Variants in PTK2 observed in about 807,000 individuals in gnomAD.
The protein encoded by PTK2 is focal adhesion kinase 1.
In PTK2, 45 loss-of-function variants were observed where a neutral mutation model predicts 150.1. The observed-to-expected ratio is 0.30, with a 90% confidence interval of 0.24 to 0.38. PTK2 has a LOEUF of 0.38. PTK2 is among the 10% of genes least tolerant of loss of function. The pLI is 1.00. For missense variants in PTK2, 919 were observed against 1,307.3 expected (o/e 0.70, Z 4.58); for synonymous variants, 432 against 449.2 (o/e 0.96, Z 0.48).
intron 27 of PTK2, among the ~76,000 whole-genome samples, chr8:140,686,151 T>C (rs1183866490): frequency 6.6e-6 from 1 of 152,056 alleles, no homozygotes; most frequent in Admixed American, 6.6e-5. Context: ...AGAAAACCAA[T>C]ACCACATGTT....
At position 140,784,221 on chromosome 8, in the gene PTK2, C is replaced by T. The variant is rs536987074; in HGVS notation, c.1177+5253G>A. Reference sequence around the variant, plus strand: ...ATGAAGGGCTTAGAGACAATCAAACCAAGCATTTGAAAAAGATCACTGCAT... The same window carrying T: ...ATGAAGGGCTTAGAGACAATCAAACTAAGCATTTGAAAAAGATCACTGCAT... On this transcript the variant is annotated intron_variant, in intron 14 of 31. Transcript: ENST00000522684. Among the ~76,000 whole-genome samples the T allele has an allele frequency of 7.2e-5, 11 of 152,210 alleles. 1 individual carries two copies. Among genetic ancestry groups the T allele is most frequent in the African/African-American group, 2.6e-4 (11 of 41,522 alleles).
At chr8:140,708,849 GA>G (rs1329923431) in intron 23 of PTK2, among the ~76,000 whole-genome samples, 1 of 151,990 alleles carries the variant, frequency 6.6e-6, no homozygotes, top group Non-Finnish European at 1.5e-5. Flanking sequence ...GGTTGCAGGG[GA>G]AAGGGTTTTC....
chr8:140,709,795 G>C (rs2100035797), intron 23 of PTK2, among the ~76,000 whole-genome samples: 1 of 152,118 alleles, frequency 6.6e-6, no homozygotes. Flanking sequence ...GGGAAGTTTT[G>C]CTGAAATTCT....
At chr8:140,775,283 G>A (rs1456699697) in intron 14 of PTK2, among the ~76,000 whole-genome samples, 1 of 152,040 alleles carries the variant, frequency 6.6e-6, no homozygotes, top group Non-Finnish European at 1.5e-5. Context: ...TCTGGAGTTG[G>A]GAGACCAGCC....
At chr8:140,795,583 T>G (rs1217185090) in intron 12 of PTK2, among the ~76,000 whole-genome samples, 1 of 152,262 alleles carries the variant, frequency 6.6e-6, no homozygotes, top group East Asian at 1.9e-4. Context: ...ATATATTATA[T>G]GCTACAGTAT....
chr8:140,658,634 G>C (rs1207681904), exon 32 of PTK2: 4 of 207,514 alleles, frequency 1.9e-5, no homozygotes, highest in Non-Finnish European at 3.9e-5. Context: ...CTGTAAAATA[G>C]TCAACATGGC....
chr8:140,733,840 C>A (rs181583788), intron 22 of PTK2, among the ~76,000 whole-genome samples: 1 of 152,106 alleles, frequency 6.6e-6, no homozygotes, highest in Non-Finnish European at 1.5e-5. Flanking sequence ...GTTATGGGGA[C>A]GGAGACCAAG....
At chr8:140,725,221 C>A (rs1326108443) in intron 22 of PTK2, among the ~76,000 whole-genome samples, 1 of 151,202 alleles carries the variant, frequency 6.6e-6, no homozygotes, top group Non-Finnish European at 1.5e-5. Flanking sequence ...GCAGCCTTGG[C>A]CTCCTGGGCT....
intron 5 of PTK2, among the ~76,000 whole-genome samples, chr8:140,852,275 G>A (rs761729244): frequency 6.6e-6 from 1 of 152,158 alleles, no homozygotes; most frequent in Non-Finnish European, 1.5e-5. Context: ...TAAATATAAC[G>A]TATAAACAAC....
At chr8:140,817,331 T>A (rs2100105336) in intron 10 of PTK2, among the ~76,000 whole-genome samples, 1 of 151,816 alleles carries the variant, frequency 6.6e-6, no homozygotes, top group Non-Finnish European at 1.5e-5. Flanking sequence ...GAAACCAGAG[T>A]ACACTTGGAA....
At chr8:140,858,167 G>A (rs1482445477) in intron 5 of PTK2, among the ~76,000 whole-genome samples, 1 of 152,142 alleles carries the variant, frequency 6.6e-6, no homozygotes, top group Non-Finnish European at 1.5e-5. Context: ...GAGGAGAGCT[G>A]GTAATCTGCC....
At chr8:140,814,993 C>T (rs1311479483) in intron 10 of PTK2, among the ~76,000 whole-genome samples, 1 of 152,118 alleles carries the variant, frequency 6.6e-6, no homozygotes, top group African/African-American at 2.4e-5. Context: ...CCAGGATGGT[C>T]TCCATCTCCT....
intron 26 of PTK2, among the ~76,000 whole-genome samples, chr8:140,697,299 T>C (rs1398575443): frequency 6.6e-6 from 1 of 151,704 alleles, no homozygotes. Flanking sequence ...GGTTATTAAG[T>C]TAAAAACAAA....
At chr8:140,790,845 T>C (rs939240964) in intron 13 of PTK2, among the ~76,000 whole-genome samples, 2 of 152,250 alleles carry the variant, frequency 1.3e-5, no homozygotes, top group South Asian at 2.1e-4. Flanking sequence ...CTTTGAACTA[T>C]ATTTATTGGG....
chr8:140,999,666 G>C (rs1240034350), intron 1 of PTK2, among the ~76,000 whole-genome samples: 1 of 152,116 alleles, frequency 6.6e-6, no homozygotes, highest in African/African-American at 2.4e-5. Flanking sequence ...TGCTTGCATC[G>C]CACTGCTCAT....
chr8:140,663,014 C>T (rs925952189), intron 31 of PTK2: 12 of 371,518 alleles, frequency 3.2e-5, no homozygotes, highest in South Asian at 1.2e-4. Flanking sequence ...TCACAGGCGA[C>T]GGAAAAGTGC....
chr8:140,762,075 T>C (rs1324089509), intron 15 of PTK2, among the ~76,000 whole-genome samples: 1 of 152,178 alleles, frequency 6.6e-6, no homozygotes, highest in Non-Finnish European at 1.5e-5. Flanking sequence ...CATAGGTTAT[T>C]GCATATATAT....
At chr8:140,815,381 C>G (rs909922227) in intron 10 of PTK2, among the ~76,000 whole-genome samples, 3 of 152,056 alleles carry the variant, frequency 2.0e-5, no homozygotes, top group African/African-American at 7.2e-5. Context: ...CAAGGACACA[C>G]AGAGGGCAAC....
rs1181421194 is a variant in PTK2 at position 140,693,564 on chromosome 8, T to TTAAAAAAAAAAAAA, written c.2500-6871_2500-6870insTTTTTTTTTTTTTA. ...CCACAGAGTGAGACTTTGTCTCAATTAAAAAAAAAAAAAAAAAAAAAAAAA... is the reference window on the plus strand; with the variant it reads ...CCACAGAGTGAGACTTTGTCTCAATTTAAAAAAAAAAAAAAAAAAAAAAAAAAAAAAAAAAAAAA... On this transcript the variant is annotated intron_variant, in intron 26 of 31. Coordinates refer to ENST00000522684, the Ensembl canonical transcript of PTK2. Among the ~76,000 whole-genome samples the TTAAAAAAAAAAAAA allele has an allele frequency of 9.8e-4, 71 of 72,458 alleles. 24 individuals carry two copies. The highest frequency in any genetic ancestry group is 4.3e-3 in the African/African-American group (71 of 16,654). The allele number at this position is 72,458 out of a possible 152,430, so 47.5% of individuals were successfully genotyped here.
Sources: allele counts gnomAD v4.1 joint callset (sites outside exome capture counted in the v4.1 genomes callset), GRCh38; gene constraint gnomAD v4.1.1; transcripts MANE v1.5; gene names NCBI Gene and HGNC (gene_info 2026-07-23, HGNC 2026-07-21).